The following MAPK8 variants were observed in gnomAD, a reference collection of about 807,000 sequenced individuals.
MAPK8 encodes JUN N-terminal kinase.
Under a neutral mutation model 52.9 loss-of-function variants are expected in MAPK8, and 13 were observed. The ratio of observed to expected loss-of-function variants is 0.25; its 90% CI spans 0.16 to 0.39. The LOEUF (loss-of-function observed/expected upper bound fraction) is 0.39, where lower values mean the gene tolerates loss of function less well. Ranked by LOEUF, MAPK8 falls within the 10% of genes least tolerant of loss-of-function variation. The pLI is 1.00. For synonymous variants in MAPK8, 191 were observed against 169.8 expected (o/e 1.12, Z -0.97); for missense variants, 300 against 519.2 (o/e 0.58, Z 4.10).
At chr10:48,406,736 G>A (rs2133044616) in intron 3 of MAPK8, among the ~76,000 whole-genome samples, 1 of 152,222 alleles carries the variant, frequency 6.6e-6, no homozygotes, top group South Asian at 2.1e-4. Context: ...AAGCATCTCT[G>A]GTTTTTCTCA....
chr10:48,319,981 A>T (rs991769168), intron 1 of MAPK8, among the ~76,000 whole-genome samples: 2 of 151,188 alleles, frequency 1.3e-5, no homozygotes, highest in African/African-American at 2.4e-5. Flanking sequence ...CAATGGCGTG[A>T]TCTTGGCTCA....
At chr10:48,340,353 T>G (rs1054717834) in intron 1 of MAPK8, among the ~76,000 whole-genome samples, 1 of 152,090 alleles carries the variant, frequency 6.6e-6, no homozygotes, top group African/African-American at 2.4e-5. Context: ...TGGGTACACA[T>G]GGACGCAAAG....
At chr10:48,366,245 AAAACT>A (rs1411145437) in intron 1 of MAPK8, among the ~76,000 whole-genome samples, 5 of 152,254 alleles carry the variant, frequency 3.3e-5, no homozygotes, top group South Asian at 2.1e-4. Context: ...TGTATTGTTA[AAAACT>A]AAACTAAACA....
rs371715211 is a variant in MAPK8 at position 48,418,763 on chromosome 10, T to C, written c.451-1392T>C. ...TTGATATATATGGATGAATTTCAAT[T>C]AATAGTCTTTGAGGCTTTTTTTGAC... On this transcript the variant is annotated intron_variant, in intron 5 of 11. Transcript: ENST00000374189. 3.3e-5 allele frequency among the ~76,000 whole-genome samples: 5 copies of C among 152,326 alleles called. No individual in the cohort carries two copies. The South Asian group carries it at 1.0e-3, about 32-fold the overall frequency.
Position 48,410,031 on chromosome 10 carries a change from T to TAA in MAPK8, c.314_315insAA (p.Tyr105Ter), listed in dbSNP as rs1444972184. 3 of 1,604,306 alleles carry TAA rather than the reference T, an allele frequency of 1.9e-6. No homozygotes were observed. Among genetic ancestry groups the TAA allele is most frequent in the Non-Finnish European group, 2.5e-6 (3 of 1,176,604 alleles). Residue 105 changes from tyrosine to a stop codon, truncating the protein, a stop_gained and frameshift_variant and splice_region_variant, in exon 5 of 12, where the codon TAC becomes TAAAC. Transcript: ENST00000374189. LOFTEE classifies it high-confidence loss of function. ...QKSLEEFQDV[Y>*]IVMELMDANL... ...TGTTCTCTTTTTTCACTCATAAAGT[T>TAA]ACATAGTCATGGAGCTCATGGATGC...
intron 1 of MAPK8, among the ~76,000 whole-genome samples, chr10:48,393,653 T>A (rs186550988): frequency 1.4e-3 from 208 of 152,208 alleles, no homozygotes; most frequent in South Asian, 0.011. Context: ...AAGATTTTTT[T>A]AAAGTGTCTG....
rs2132439433 is a variant in MAPK8 at position 48,351,566 on chromosome 10, A to G, written c.-50+44745A>G. On this transcript the variant is annotated intron_variant, in intron 1 of 11. Transcript: ENST00000374189. ...AGTGCTTCAACAAGCAGTTATGAAC[A>G]TGCTTGAAATAAATTAAAAAAAAAG... Among the ~76,000 whole-genome samples, 2 of 152,262 alleles carry G rather than the reference A, an allele frequency of 1.3e-5. 1 individual carries two copies. Among genetic ancestry groups the G allele is most frequent in the Middle Eastern group, 6.8e-3 (2 of 294 alleles).
chr10:48,383,119 T>G (rs2041111768), intron 1 of MAPK8, among the ~76,000 whole-genome samples: 1 of 151,796 alleles, frequency 6.6e-6, no homozygotes, highest in South Asian at 2.1e-4. Context: ...TAACCAAGGG[T>G]ACCTTTCCAA....
chr10:48,377,009 C>T (rs1013606782), intron 1 of MAPK8, among the ~76,000 whole-genome samples: 3 of 152,192 alleles, frequency 2.0e-5, no homozygotes, highest in Admixed American at 6.5e-5. Flanking sequence ...GAATGTGGCA[C>T]ATATACATCA....
At chr10:48,349,776 A>G (rs753337568) in intron 1 of MAPK8, among the ~76,000 whole-genome samples, 19 of 152,236 alleles carry the variant, frequency 1.2e-4, no homozygotes, top group Non-Finnish European at 2.5e-4. Context: ...AGATCAGAGC[A>G]GAACTGAAGG....
chr10:48,436,076 A>AT lies in MAPK8; in HGVS notation c.*1050dup, dbSNP rs1476638832. The AT allele has an allele frequency of 1.3e-5, 2 of 152,198 alleles. No homozygotes were observed. Among genetic ancestry groups the AT allele is most frequent in the Non-Finnish European group, 2.9e-5 (2 of 68,036 alleles). The allele number at this position is 152,198 out of a possible 1,614,324, so 9.4% of individuals were successfully genotyped here. On this transcript the variant is annotated 3_prime_UTR_variant, in exon 12 of 12. Coordinates refer to ENST00000374189, the MANE Select transcript of MAPK8 (RefSeq NM_001323329.2). ...ATTTGATTCTACTTGTAGCATAATCATTTATACGAGCTATTGGGAGGTTCC... is the reference window on the plus strand; with the variant it reads ...ATTTGATTCTACTTGTAGCATAATCATTTTATACGAGCTATTGGGAGGTTCC...
intron 1 of MAPK8, among the ~76,000 whole-genome samples, chr10:48,316,266 T>C (rs921862281): frequency 2.0e-5 from 3 of 152,220 alleles, no homozygotes; most frequent in African/African-American, 7.2e-5. Context: ...CTTCCCATTG[T>C]GTTACAGTTG....
At chr10:48,347,685 A>T (rs976418852) in intron 1 of MAPK8, among the ~76,000 whole-genome samples, 1 of 152,124 alleles carries the variant, frequency 6.6e-6, no homozygotes, top group South Asian at 2.1e-4. Flanking sequence ...GCTGAGAATG[A>T]TGGTTTCCAG....
intron 10 of MAPK8, among the ~76,000 whole-genome samples, chr10:48,429,230 A>G (rs1159364531): frequency 6.6e-6 from 1 of 152,186 alleles, no homozygotes; most frequent in Non-Finnish European, 1.5e-5. Context: ...TGCCACAAAG[A>G]AAAAAACACC....
chr10:48,325,775 A>C (rs1202632497), intron 1 of MAPK8: 1 of 152,162 alleles, frequency 6.6e-6, no homozygotes, highest in African/African-American at 2.4e-5. Context: ...TTTTGTTGTC[A>C]TATCTCCTTA....
intron 1 of MAPK8, among the ~76,000 whole-genome samples, chr10:48,341,771 A>G (rs1035854690): frequency 1.3e-5 from 2 of 152,242 alleles, no homozygotes; most frequent in African/African-American, 2.4e-5. Flanking sequence ...ATGAAAGTAT[A>G]TAAAGATACC....
chr10:48,373,060 GA>G (rs1401344566), intron 1 of MAPK8, among the ~76,000 whole-genome samples: 3 of 152,166 alleles, frequency 2.0e-5, no homozygotes, highest in Non-Finnish European at 4.4e-5. Flanking sequence ...CTACAAGCCA[GA>G]ATAGAGTGGG....
chr10:48,427,069 G>A lies in MAPK8; in HGVS notation c.997-11G>A. 3 of 1,610,448 alleles carry A rather than the reference G, an allele frequency of 1.9e-6. No individual in the cohort carries two copies. Among genetic ancestry groups the A allele is most frequent in the Non-Finnish European group, 2.5e-6 (3 of 1,177,140 alleles). On this transcript the variant is annotated splice_polypyrimidine_tract_variant and intron_variant, in intron 9 of 11. Coordinates refer to ENST00000374189, the MANE Select transcript of MAPK8 (RefSeq NM_001323329.2). ...ATACTGACTTGGTTATTATTGCCTTGTGTTTTTCAGCCACCACCAAAGATC... is the reference window on the plus strand; with the variant it reads ...ATACTGACTTGGTTATTATTGCCTTATGTTTTTCAGCCACCACCAAAGATC...
chr10:48,390,799 G>A (rs1188150080), intron 1 of MAPK8, among the ~76,000 whole-genome samples: 2 of 152,120 alleles, frequency 1.3e-5, no homozygotes, highest in African/African-American at 4.8e-5. Context: ...TAAGTAATTT[G>A]TTACTTTAAA....
Sources: allele counts gnomAD v4.1 joint callset (sites outside exome capture counted in the v4.1 genomes callset), GRCh38; gene constraint gnomAD v4.1.1; transcripts MANE v1.5; gene names NCBI Gene and HGNC (gene_info 2026-07-23, HGNC 2026-07-21).